LAMA2: variants seen among roughly 807,000 people sequenced by gnomAD.
LAMA2 encodes laminin subunit alpha-2.
Under a neutral mutation model 364.8 loss-of-function variants are expected in LAMA2, and 269 were observed. That is an observed-to-expected ratio of 0.74 (90% CI 0.67 to 0.82). The LOEUF is 0.82. LAMA2 is among the 40% of genes least tolerant of loss of function. The pLI is 0.00. For missense variants in LAMA2, 3,807 were observed against 3,873.2 expected (o/e 0.98, Z 0.45); for synonymous variants, 1,379 against 1,370.6 (o/e 1.01, Z -0.14).
chr6:129,472,020 A>T (rs1783837194), intron 51 of LAMA2, among the ~76,000 whole-genome samples: 1 of 151,988 alleles, frequency 6.6e-6, no homozygotes, highest in African/African-American at 2.4e-5. Context: ...GAGTGAAAAT[A>T]ATAGTATTTC....
At chr6:129,249,177 G>A (rs1265139938) in intron 12 of LAMA2, among the ~76,000 whole-genome samples, 1 of 152,140 alleles carries the variant, frequency 6.6e-6, no homozygotes, top group African/African-American at 2.4e-5. Flanking sequence ...GGACGTGAAA[G>A]GCCATAGAGA....
chr6:129,394,717 C>G (rs1779511109), intron 37 of LAMA2, among the ~76,000 whole-genome samples: 1 of 152,266 alleles, frequency 6.6e-6, no homozygotes, highest in African/African-American at 2.4e-5. Context: ...TGAAAATTAC[C>G]TGTGTGGAAA....
At chr6:129,262,818 C>G (rs187849084) in intron 15 of LAMA2, among the ~76,000 whole-genome samples, 1 of 152,106 alleles carries the variant, frequency 6.6e-6, no homozygotes, top group African/African-American at 2.4e-5. Context: ...GCTGAGTAAA[C>G]GCCAAAGACC....
intron 34 of LAMA2, among the ~76,000 whole-genome samples, chr6:129,377,616 C>A (rs943298392): frequency 6.6e-6 from 1 of 152,024 alleles, no homozygotes; most frequent in African/African-American, 2.4e-5. Flanking sequence ...GGAAGATGAC[C>A]CTTGAGAGTA....
intron 24 of LAMA2, 124 bp downstream of exon 24, chr6:129,314,922 A>G: frequency 2.1e-6 from 2 of 966,558 alleles, no homozygotes; most frequent in East Asian, 4.8e-5. Flanking sequence ...CTCTGTGAAC[A>G]TTTAGGAACA....
chr6:129,183,555 C>T (rs959165228), intron 10 of LAMA2, among the ~76,000 whole-genome samples: 8 of 151,870 alleles, frequency 5.3e-5, no homozygotes, highest in African/African-American at 1.4e-4. Context: ...CACTGTTTTT[C>T]AGCTTTGCTT....
At chr6:129,196,787 TC>T (rs1277830878) in intron 12 of LAMA2, among the ~76,000 whole-genome samples, 2 of 152,102 alleles carry the variant, frequency 1.3e-5, no homozygotes, top group Non-Finnish European at 2.9e-5. Flanking sequence ...ATAAATCAGA[TC>T]CCATCAAGAC....
chr6:129,222,103 A>G (rs1328519794), intron 12 of LAMA2, among the ~76,000 whole-genome samples: 1 of 152,238 alleles, frequency 6.6e-6, no homozygotes, highest in Admixed American at 6.5e-5. Context: ...GATTGTATAG[A>G]TAGTTGCAAA....
At chr6:129,455,356 G>A (rs1166397867) in intron 47 of LAMA2, among the ~76,000 whole-genome samples, 3 of 152,266 alleles carry the variant, frequency 2.0e-5, no homozygotes, top group Non-Finnish European at 2.9e-5. Flanking sequence ...GAGTGCTTGC[G>A]TGTTTGGTGG....
chr6:129,288,526 A>T (rs1789446776), intron 19 of LAMA2, among the ~76,000 whole-genome samples: 1 of 152,208 alleles, frequency 6.6e-6, no homozygotes, highest in African/African-American at 2.4e-5. Flanking sequence ...TGTAATAGGT[A>T]TAAAATTCTG....
At chr6:129,235,161 A>G (rs1479022151) in intron 12 of LAMA2, among the ~76,000 whole-genome samples, 1 of 152,194 alleles carries the variant, frequency 6.6e-6, no homozygotes, top group Admixed American at 6.5e-5. Context: ...CCAGGGGCCA[A>G]GGGGCTTAGA....
intron 40 of LAMA2, among the ~76,000 whole-genome samples, chr6:129,420,270 A>C (rs1246668105): frequency 1.3e-5 from 2 of 152,094 alleles, no homozygotes; most frequent in Admixed American, 1.3e-4. Flanking sequence ...GATTCTGAGA[A>C]TTTACATCAT....
intron 40 of LAMA2, among the ~76,000 whole-genome samples, chr6:129,415,915 C>T (rs925391129): frequency 1.0e-4 from 15 of 150,384 alleles, no homozygotes; most frequent in African/African-American, 3.7e-4. Context: ...CAAAGGGAAG[C>T]TTTCTTTGCT....
At chr6:128,892,134 C>A (rs941763804) in intron 1 of LAMA2, among the ~76,000 whole-genome samples, 17 of 151,984 alleles carry the variant, frequency 1.1e-4, no homozygotes, top group Non-Finnish European at 2.9e-5. Flanking sequence ...ATAGCATATC[C>A]TTTTTGCTTA....
chr6:129,506,495 G>A (rs1414929600), intron 61 of LAMA2, among the ~76,000 whole-genome samples: 2 of 152,132 alleles, frequency 1.3e-5, no homozygotes, highest in Admixed American at 1.3e-4. Flanking sequence ...ATTGAGAGGT[G>A]CAGTAGTTAC....
At chr6:129,211,877 T>A (rs1021082311) in intron 12 of LAMA2, among the ~76,000 whole-genome samples, 1 of 152,186 alleles carries the variant, frequency 6.6e-6, no homozygotes, top group African/African-American at 2.4e-5. Flanking sequence ...CTATTCTTCT[T>A]CTAACCTCTA....
chr6:129,129,547 A>G (rs115516995), intron 4 of LAMA2, among the ~76,000 whole-genome samples: 242 of 152,330 alleles, frequency 1.6e-3, no homozygotes, highest in African/African-American at 5.6e-3. Context: ...GTAGGGATAT[A>G]TAAGTATAAG....
chr6:129,178,670 T>G (rs1780754305), intron 10 of LAMA2, among the ~76,000 whole-genome samples: 1 of 152,144 alleles, frequency 6.6e-6, no homozygotes, highest in South Asian at 2.1e-4. Context: ...TTTCTTTATT[T>G]TCAATTAAAG....
chr6:129,505,116 C>T, intron 60 of LAMA2, 84 bp from the exon 61 acceptor site: 1 of 1,224,408 alleles, frequency 8.2e-7, no homozygotes, highest in Non-Finnish European at 1.2e-6. Flanking sequence ...TTCTTGGTAA[C>T]ATCGTTAGAG....
Sources: gnomAD v4.1 joint callset for allele counts (sites outside exome capture counted in the v4.1 genomes callset) on GRCh38, gnomAD v4.1.1 for gene constraint, MANE v1.5 for transcripts, NCBI Gene and HGNC (gene_info 2026-07-23, HGNC 2026-07-21) for gene names.